GMDS: variants seen among roughly 807,000 people sequenced by gnomAD.
The protein encoded by GMDS is GDP-mannose 4,6 dehydratase.
A neutral mutation model predicts 49.9 loss-of-function variants in GMDS; 20 were observed. That is an observed-to-expected ratio of 0.40 (90% CI 0.28 to 0.58). GMDS has a LOEUF of 0.58. GMDS is among the 20% of genes least tolerant of loss of function. The pLI is 0.42. For synonymous variants in GMDS, 177 were observed against 178.6 expected, an observed-to-expected ratio of 0.99 and a Z score of 0.07; for missense variants, 362 against 481.4, an observed-to-expected ratio of 0.75 and a Z score of 2.32.
intron 8 of GMDS, among the ~76,000 whole-genome samples, chr6:1,737,496 C>T (rs1767039315): frequency 6.6e-6 from 1 of 151,080 alleles, no homozygotes; most frequent in African/African-American, 2.4e-5. Flanking sequence ...TCCACACACA[C>T]ACAAACACAC....
chr6:1,719,331 C>A (rs1399108845), intron 9 of GMDS, among the ~76,000 whole-genome samples: 5 of 152,048 alleles, frequency 3.3e-5, no homozygotes, highest in African/African-American at 1.2e-4. Context: ...AGAAGGCATG[C>A]AGGGTGAGAA....
chr6:1,624,030 C>A lies in GMDS; in HGVS notation c.*139G>T. 8.5e-6 allele frequency: 6 copies of A among 705,664 alleles called. No homozygotes were observed. In the South Asian group the frequency reaches 1.1e-4, roughly 13 times the overall value. 43.7% of individuals were successfully genotyped at this position (705,664 alleles called of 1,614,324 possible). ...CCTCGGCGGGGCGGCCCCGCTCTTG[C>A]GGCCGGGACAGCGCAGCGGCAGCAG... On this transcript the variant is annotated 3_prime_UTR_variant, in exon 11 of 11. Coordinates refer to ENST00000380815, the MANE Select transcript of GMDS (RefSeq NM_001500.4).
chr6:2,158,016 C>G (rs573116193), intron 1 of GMDS, among the ~76,000 whole-genome samples: 2 of 152,220 alleles, frequency 1.3e-5, no homozygotes, highest in South Asian at 2.1e-4. Flanking sequence ...AAGATGGTAG[C>G]TGAAACAAAA....
intron 7 of GMDS, among the ~76,000 whole-genome samples, chr6:1,923,719 C>T (rs1362675465): frequency 6.6e-6 from 1 of 152,178 alleles, no homozygotes; most frequent in Non-Finnish European, 1.5e-5. Context: ...GTGAAAGGGT[C>T]GTGAAAAATC....
intron 7 of GMDS, among the ~76,000 whole-genome samples, chr6:1,830,415 G>A (rs1771301425): frequency 6.6e-6 from 1 of 152,204 alleles, no homozygotes; most frequent in Non-Finnish European, 1.5e-5. Flanking sequence ...GCCCTGGATT[G>A]AGAACCACTG....
At position 1,930,174 on chromosome 6, in the gene GMDS, G is replaced by T. The variant is rs778932554; in HGVS notation, c.700C>A (p.Gln234Lys). The T allele has an allele frequency of 1.2e-6, 2 of 1,612,028 alleles. No homozygotes were observed. The highest frequency in any genetic ancestry group is 1.7e-6 in the Non-Finnish European group (2 of 1,178,344). ...SRSVAKIYLG[Q>K]LECFSLGNLD... ...TTTCCCAAACTGAAACATTCCAGTT[G>T]TCCAAGGTAAATCTTAGCTACTGAC... The change falls in exon 7 of 11, where the codon CAA (glutamine) becomes AAA (lysine). Residue 234 changes from glutamine (Q) to lysine (K), a missense_variant. Physicochemically the swap from Gln to Lys is moderately conservative, Grantham distance 53. Transcript: ENST00000380815.
At chr6:2,025,362 G>A (rs1255868736) in intron 4 of GMDS, among the ~76,000 whole-genome samples, 1 of 930 alleles carries the variant, frequency 1.1e-3, no homozygotes, top group African/African-American at 1.4e-3. Flanking sequence ...GGTGGGGTGT[G>A]TGTGTGTGTG....
chr6:2,149,709 T>A (rs1255729584), intron 1 of GMDS, among the ~76,000 whole-genome samples: 2 of 152,224 alleles, frequency 1.3e-5, no homozygotes, highest in Admixed American at 1.3e-4. Flanking sequence ...AATAAATTAC[T>A]TTGAAGTGTA....
intron 1 of GMDS, among the ~76,000 whole-genome samples, chr6:2,171,957 C>A (rs1390665679): frequency 6.6e-6 from 1 of 152,168 alleles, no homozygotes. Context: ...AGAAACAACT[C>A]ACGTGGCCGG....
chr6:1,834,315 T>C lies in GMDS; in HGVS notation c.772-91729A>G, dbSNP rs116138259. On this transcript the variant is annotated intron_variant, in intron 7 of 10. Transcript: ENST00000380815. ...TGCTGGGCTATTTTAAGGCACTAATTTCCATCTGGTAGAACAGATCCAGAC... is the reference window on the plus strand; with the variant it reads ...TGCTGGGCTATTTTAAGGCACTAATCTCCATCTGGTAGAACAGATCCAGAC... Among the ~76,000 whole-genome samples the C allele has an allele frequency of 9.4e-3, 1,427 of 152,304 alleles. 25 individuals carry two copies. The highest frequency in any genetic ancestry group is 0.032 in the African/African-American group (1,350 of 41,562).
chr6:1,658,002 G>A (rs979993388), intron 9 of GMDS, among the ~76,000 whole-genome samples: 4 of 152,248 alleles, frequency 2.6e-5, no homozygotes, highest in Non-Finnish European at 5.9e-5. Flanking sequence ...GGGGTCTGGA[G>A]TTTCTGGAGC....
chr6:1,780,303 T>C (rs1769025463), intron 7 of GMDS, among the ~76,000 whole-genome samples: 1 of 152,234 alleles, frequency 6.6e-6, no homozygotes. Context: ...AAAATGATGA[T>C]ACTACCATGT....
At chr6:1,951,390 A>G (rs540527163) in intron 6 of GMDS, among the ~76,000 whole-genome samples, 6 of 152,304 alleles carry the variant, frequency 3.9e-5, no homozygotes, top group Admixed American at 1.3e-4. Context: ...AGACTGATGT[A>G]TATGATTTCT....
chr6:2,088,215 G>A (rs150388225), intron 4 of GMDS, among the ~76,000 whole-genome samples: 17 of 152,134 alleles, frequency 1.1e-4, no homozygotes, highest in South Asian at 4.2e-4. Flanking sequence ...TAGTGATAGC[G>A]GAGATCAGAA....
Position 2,059,312 on chromosome 6 carries a change from G to A in GMDS, c.345+56459C>T, listed in dbSNP as rs140876081. On this transcript the variant is annotated intron_variant, in intron 4 of 10. Transcript: ENST00000380815. The stretch of plus-strand genomic sequence containing the variant: ...TTAATTTGAGGCATATTAAAAATCT[G>A]ATTAGAATATTAGAAAATATTTCAC... Among the ~76,000 whole-genome samples, 431 of 150,506 alleles carry A rather than the reference G, an allele frequency of 2.9e-3. 1 individual carries two copies. The highest frequency in any genetic ancestry group is 9.2e-3 in the African/African-American group (377 of 40,882).
chr6:1,752,718 T>C (rs1311730293), intron 7 of GMDS, among the ~76,000 whole-genome samples: 1 of 151,756 alleles, frequency 6.6e-6, no homozygotes, highest in East Asian at 1.9e-4. Context: ...CAGAAGAGAG[T>C]GGGGCCAATA....
intron 7 of GMDS, among the ~76,000 whole-genome samples, chr6:1,873,250 T>G (rs1484134557): frequency 6.6e-6 from 1 of 152,248 alleles, no homozygotes; most frequent in East Asian, 1.9e-4. Flanking sequence ...AGATTATGAT[T>G]ATGCATTGCA....
chr6:1,884,190 A>C (rs1412536534), intron 7 of GMDS, among the ~76,000 whole-genome samples: 1 of 152,248 alleles, frequency 6.6e-6, no homozygotes, highest in Non-Finnish European at 1.5e-5. Flanking sequence ...ATCTATGTGA[A>C]AAGCAGATCA....
chr6:1,677,797 G>A (rs907032910), intron 9 of GMDS, among the ~76,000 whole-genome samples: 1 of 112,842 alleles, frequency 8.9e-6, no homozygotes, highest in Non-Finnish European at 1.7e-5. Context: ...TACCTGTCGT[G>A]GGGTGGGGGG....
Sources: allele counts gnomAD v4.1 joint callset (sites outside exome capture counted in the v4.1 genomes callset), GRCh38; gene constraint gnomAD v4.1.1; transcripts MANE v1.5; gene names NCBI Gene and HGNC (gene_info 2026-07-23, HGNC 2026-07-21).